IQGAP2: variants seen among roughly 807,000 people sequenced by gnomAD.
The protein encoded by IQGAP2 is ras GTPase-activating-like protein IQGAP2.
IQGAP2 carries 173 observed loss-of-function variants against 201.3 expected under a neutral mutation model. The ratio of observed to expected loss-of-function variants is 0.86; its 90% confidence interval spans 0.76 to 0.98. The LOEUF is 0.98. IQGAP2 is among the 50% of genes least tolerant of loss of function. IQGAP2 has a pLI of 0.00. For synonymous variants in IQGAP2, 675 were observed against 673.9 expected (o/e 1.00, Z -0.03); for missense variants, 1,687 against 1,864.8 (o/e 0.90, Z 1.76).
At chr5:76,573,130 A>G (rs1443179133) in intron 4 of IQGAP2, among the ~76,000 whole-genome samples, 1 of 152,242 alleles carries the variant, frequency 6.6e-6, no homozygotes, top group Non-Finnish European at 1.5e-5. Flanking sequence ...ACCGATTAAT[A>G]AAAAACGAAT....
chr5:76,568,141 A>G (rs536946728), intron 3 of IQGAP2, among the ~76,000 whole-genome samples: 4 of 152,342 alleles, frequency 2.6e-5, no homozygotes, highest in Admixed American at 1.3e-4. Context: ...TTCACTAACG[A>G]AAGTGTGCTA....
chr5:76,669,336 A>C (rs1453984839), intron 23 of IQGAP2, among the ~76,000 whole-genome samples: 1 of 152,214 alleles, frequency 6.6e-6, no homozygotes, highest in Non-Finnish European at 1.5e-5. Flanking sequence ...TGGCCTCCCT[A>C]ACTTGTGGAA....
At chr5:76,559,423 G>A (rs1243765568) in intron 2 of IQGAP2, among the ~76,000 whole-genome samples, 1 of 152,118 alleles carries the variant, frequency 6.6e-6, no homozygotes, top group Non-Finnish European at 1.5e-5. Context: ...TCTTCGGTGA[G>A]GCTGCCAGGA....
chr5:76,681,663 CAGAG>C (rs1177476326), intron 28 of IQGAP2, among the ~76,000 whole-genome samples: 2 of 151,860 alleles, frequency 1.3e-5, no homozygotes, highest in Non-Finnish European at 1.5e-5. Flanking sequence ...AAAATTTAAA[CAGAG>C]AGGCTGGAGT....
At chr5:76,415,619 CTA>C in intron 1 of IQGAP2, among the ~76,000 whole-genome samples, 1 of 152,182 alleles carries the variant, frequency 6.6e-6, no homozygotes, top group Non-Finnish European at 1.5e-5. Context: ...GCCCAGGACT[CTA>C]TAGCTGTTAA....
intron 13 of IQGAP2, chr5:76,617,104 T>C (rs573925844): frequency 6.4e-6 from 1 of 155,162 alleles, no homozygotes; most frequent in East Asian, 1.9e-4. Context: ...TTGTGATATC[T>C]TTTCTCCTGC....
At chr5:76,507,140 C>G (rs1183520724) in intron 2 of IQGAP2, among the ~76,000 whole-genome samples, 1 of 152,194 alleles carries the variant, frequency 6.6e-6, no homozygotes, top group Non-Finnish European at 1.5e-5. Context: ...GCAATCAAGA[C>G]AGTGTGGTAT....
chr5:76,705,073 G>A (rs1372979715), intron 35 of IQGAP2, among the ~76,000 whole-genome samples: 1 of 152,088 alleles, frequency 6.6e-6, no homozygotes, highest in Non-Finnish European at 1.5e-5. Context: ...ATAATGTCAG[G>A]TATTTATCGG....
chr5:76,584,948 T>C (rs1412320504), intron 5 of IQGAP2, among the ~76,000 whole-genome samples: 2 of 152,242 alleles, frequency 1.3e-5, no homozygotes, highest in Non-Finnish European at 2.9e-5. Context: ...TCAATTTATG[T>C]TCAACAAATA....
chr5:76,446,820 G>A (rs1299226386), intron 1 of IQGAP2, among the ~76,000 whole-genome samples: 1 of 152,158 alleles, frequency 6.6e-6, no homozygotes, highest in Non-Finnish European at 1.5e-5. Context: ...AGCATATCCA[G>A]CATAAAAGTA....
At chr5:76,497,254 C>A (rs906579204) in intron 2 of IQGAP2, among the ~76,000 whole-genome samples, 13 of 152,344 alleles carry the variant, frequency 8.5e-5, no homozygotes, top group Admixed American at 8.5e-4. Flanking sequence ...GCCACTAATG[C>A]TGCCTTCTGC....
At position 76,597,614 on chromosome 5, in the gene IQGAP2, G is replaced by A. The variant is rs746057609; in HGVS notation, c.1071+12G>A. On this transcript the variant is annotated intron_variant, in intron 10 of 35. Coordinates refer to ENST00000274364, the MANE Select transcript of IQGAP2 (RefSeq NM_006633.5). ...AACAGAACACCATGGTAAGTCAGAG[G>A]AGACCCCAGCTGTGGGGACGGTAAC... 9.9e-6 allele frequency: 16 copies of A among 1,613,626 alleles called. No individual in the cohort carries two copies. The highest frequency in any genetic ancestry group is 8.3e-5 in the Admixed American group (5 of 59,980).
At chr5:76,674,826 C>A in intron 27 of IQGAP2, 117 bp downstream of exon 27, 1 of 712,082 alleles carries the variant, frequency 1.4e-6, no homozygotes, top group Non-Finnish European at 2.4e-6. Flanking sequence ...TGGTTACAAG[C>A]ATTTCTTCTA....
chr5:76,521,811 G>C (rs144081650), intron 2 of IQGAP2, among the ~76,000 whole-genome samples: 1 of 152,226 alleles, frequency 6.6e-6, no homozygotes, highest in East Asian at 1.9e-4. Context: ...CAGAATTTCT[G>C]GTTCTATAGA....
At chr5:76,491,696 C>G (rs538880430) in intron 2 of IQGAP2, among the ~76,000 whole-genome samples, 12 of 152,280 alleles carry the variant, frequency 7.9e-5, no homozygotes, top group African/African-American at 2.9e-4. Flanking sequence ...TCAGCAAATA[C>G]CTGGCTCCTG....
At chr5:76,618,391 C>T in intron 13 of IQGAP2, 1 of 1,614,198 alleles carries the variant, frequency 6.2e-7, no homozygotes, top group South Asian at 1.1e-5. Flanking sequence ...ACACCAACTA[C>T]AAACACCAGG....
intron 5 of IQGAP2, among the ~76,000 whole-genome samples, chr5:76,579,148 A>G (rs1745667249): frequency 6.6e-6 from 1 of 152,146 alleles, no homozygotes; most frequent in African/African-American, 2.4e-5. Context: ...TTACAAACTT[A>G]CTACACTGGA....
At chr5:76,581,163 A>T (rs1443651369) in intron 5 of IQGAP2, among the ~76,000 whole-genome samples, 4 of 152,196 alleles carry the variant, frequency 2.6e-5, no homozygotes, top group Non-Finnish European at 2.9e-5. Context: ...GCCAGCTCCC[A>T]CACAGCCAGG....
At chr5:76,531,758 C>T (rs1022360020) in intron 2 of IQGAP2, among the ~76,000 whole-genome samples, 85 of 152,320 alleles carry the variant, frequency 5.6e-4, no homozygotes, top group African/African-American at 1.9e-3. Flanking sequence ...GACCCTGTCT[C>T]CTCCACTCAA....
Sources: allele counts gnomAD v4.1 joint callset (sites outside exome capture counted in the v4.1 genomes callset), GRCh38; gene constraint gnomAD v4.1.1; transcripts MANE v1.5; gene names NCBI Gene and HGNC (gene_info 2026-07-23, HGNC 2026-07-21).